The following KBTBD3 variants were observed in gnomAD, a reference collection of about 807,000 sequenced individuals.
KBTBD3 encodes the protein kelch repeat and BTB domain containing 3.
Under a neutral mutation model 49.6 loss-of-function variants are expected in KBTBD3, and 38 were observed. That is an observed-to-expected ratio of 0.77 (90% CI 0.59 to 1.00). The LOEUF is 1.00. KBTBD3 is among the 50% of genes least tolerant of loss of function. KBTBD3 has a pLI of 0.00. For missense variants in KBTBD3, 661 were observed against 712.0 expected, an observed-to-expected ratio of 0.93 and a Z score of 0.81; for synonymous variants, 214 against 250.4, an observed-to-expected ratio of 0.85 and a Z score of 1.37.
At chr11:106,061,030 C>T (rs1860682528) in intron 2 of KBTBD3, among the ~76,000 whole-genome samples, 1 of 152,178 alleles carries the variant, frequency 6.6e-6, no homozygotes, top group Non-Finnish European at 1.5e-5. Flanking sequence ...CAAAAGAAGA[C>T]AGTTATGTGG....
At chr11:106,055,561 A>T (rs1860534648) in intron 3 of KBTBD3, among the ~76,000 whole-genome samples, 1 of 152,190 alleles carries the variant, frequency 6.6e-6, no homozygotes, top group African/African-American at 2.4e-5. Flanking sequence ...AATTATATGG[A>T]TTATTAAGAC....
intron 3 of KBTBD3, among the ~76,000 whole-genome samples, chr11:106,058,268 C>G (rs1860599090): frequency 6.6e-6 from 1 of 151,648 alleles, no homozygotes; most frequent in African/African-American, 2.4e-5. Context: ...CTAGTCCCAG[C>G]TACTTGGGAG....
chr11:106,054,238 G>C lies in KBTBD3; in HGVS notation c.451C>G (p.Leu151Val), dbSNP rs752336855. 15 of 1,611,544 alleles carry C rather than the reference G, an allele frequency of 9.3e-6. No homozygotes were observed. Among genetic ancestry groups the C allele is most frequent in the Non-Finnish European group, 1.2e-5 (14 of 1,178,720 alleles). ...CSDFLIKSINLVNCLQLLSIS... is the reference protein window; with the variant it reads ...CSDFLIKSINVVNCLQLLSIS... ...GATAATAACTGTAAACAATTGACAAGATTAATACTTTTTATTAAAAAGTCA... is the reference window on the plus strand; with the variant it reads ...GATAATAACTGTAAACAATTGACAACATTAATACTTTTTATTAAAAAGTCA... The change falls in exon 4 of 4, where the codon CTT (leucine) becomes GTT (valine). Residue 151 changes from leucine to valine, a missense_variant. Transcript: ENST00000531837.
intron 2 of KBTBD3, among the ~76,000 whole-genome samples, chr11:106,073,196 C>A (rs1036234133): frequency 2.6e-5 from 4 of 151,402 alleles, no homozygotes; most frequent in African/African-American, 9.7e-5. Flanking sequence ...TGGGCTCAAG[C>A]AGTCCTCCCA....
chr11:106,064,739 T>C (rs1330278717), intron 2 of KBTBD3, among the ~76,000 whole-genome samples: 3 of 152,098 alleles, frequency 2.0e-5, no homozygotes, highest in Admixed American at 6.5e-5. Flanking sequence ...CTGGTCTCAT[T>C]CTCCAGTCTA....
At chr11:106,054,872 C>T (rs1488958299) in intron 3 of KBTBD3, among the ~76,000 whole-genome samples, 3 of 151,992 alleles carry the variant, frequency 2.0e-5, no homozygotes, top group Non-Finnish European at 4.4e-5. Context: ...TTAAAAGTGT[C>T]TTTCAAATTC....
chr11:106,054,480 A>G (rs1013761837), intron 3 of KBTBD3, 25 bp from the exon 4 acceptor site: 1 of 1,458,636 alleles, frequency 6.9e-7, no homozygotes, highest in African/African-American at 1.4e-5. Context: ...AACACAGAAA[A>G]ACAGCAAGAA....
At chr11:106,066,361 C>G (rs1490156511) in intron 2 of KBTBD3, among the ~76,000 whole-genome samples, 1 of 152,170 alleles carries the variant, frequency 6.6e-6, no homozygotes, top group Non-Finnish European at 1.5e-5. Flanking sequence ...TCATCCAACA[C>G]TCATAATAAT....
intron 2 of KBTBD3, among the ~76,000 whole-genome samples, chr11:106,065,615 A>T (rs1860793841): frequency 6.6e-6 from 1 of 152,150 alleles, no homozygotes; most frequent in Non-Finnish European, 1.5e-5. Context: ...AACGGATTAG[A>T]GTGGAGTTAA....
chr11:106,062,348 T>C (rs546456186), intron 2 of KBTBD3, among the ~76,000 whole-genome samples: 2 of 152,248 alleles, frequency 1.3e-5, no homozygotes, highest in Admixed American at 1.3e-4. Context: ...TGATTTATTA[T>C]AAGCTCATGT....
In KBTBD3 at chr11:106,052,762, T is replaced by C. The variant is rs543988499; in HGVS notation, c.*88A>G. On this transcript the variant is annotated 3_prime_UTR_variant, in exon 4 of 4. Transcript: ENST00000531837. ...AATAACTAAAAGCAGGAATGTTTTA[T>C]TTCATTAAGATGTATAGATCTTTTT... The C allele has an allele frequency of 3.4e-5, 35 of 1,031,990 alleles. No individual in the cohort carries two copies. The African/African-American group carries it at 4.8e-4, about 14-fold the overall frequency. The allele number at this position is 1,031,990 out of a possible 1,614,324, so 63.9% of individuals were successfully genotyped here.
Position 106,052,226 on chromosome 11 carries a change from C to T in KBTBD3, c.*624G>A, listed in dbSNP as rs888041157. ...AATTGAAACCAACTGACATTGAAAA[C>T]TAATCAGCAATTTTTAAAGCATTTA... On this transcript the variant is annotated 3_prime_UTR_variant, in exon 4 of 4. Coordinates refer to ENST00000531837, the MANE Select transcript of KBTBD3 (RefSeq NM_198439.3). 1 of 151,304 alleles carries T rather than the reference C, an allele frequency of 6.6e-6. No individual in the cohort carries two copies. The highest frequency in any genetic ancestry group is 6.6e-5 in the Admixed American group (1 of 15,162). The allele number at this position is 151,304 out of a possible 1,614,324, so 9.4% of individuals were successfully genotyped here. A position where few individuals can be genotyped will look rare whatever the true frequency, so the allele number is the denominator to read the frequency against.
At position 106,062,026 on chromosome 11, in the gene KBTBD3, C is replaced by G. The variant is rs191401975; in HGVS notation, c.-12-2917G>C. Among the ~76,000 whole-genome samples, 5 of 151,872 alleles carry G rather than the reference C, an allele frequency of 3.3e-5. 1 individual carries two copies. Among genetic ancestry groups the G allele is most frequent in the Non-Finnish European group, 7.4e-5 (5 of 67,972 alleles). The stretch of plus-strand genomic sequence containing the variant: ...GCCATTACACTGTGTGGAAAAATAG[C>G]GTGCCTGTGTGAATGTGTGTGTGGC... On this transcript the variant is annotated intron_variant, in intron 2 of 3. Transcript: ENST00000531837.
At chr11:106,072,760 G>A (rs1419915378) in intron 2 of KBTBD3, among the ~76,000 whole-genome samples, 4 of 152,098 alleles carry the variant, frequency 2.6e-5, no homozygotes, top group African/African-American at 4.8e-5. Context: ...TTTCGTCACT[G>A]ATGTTTCAAT....
chr11:106,057,683 C>T lies in KBTBD3; in HGVS notation c.233+1182G>A, dbSNP rs145574682. On this transcript the variant is annotated intron_variant, in intron 3 of 3. Transcript: ENST00000531837. Reference sequence around the variant, plus strand: ...TCTACATGGGAAACCAAATTATATTCAGAAGGTTGCTTAGAATTAGAACAA... The same window carrying T: ...TCTACATGGGAAACCAAATTATATTTAGAAGGTTGCTTAGAATTAGAACAA... 3.1e-3 allele frequency: 566 copies of T among 181,578 alleles called. 6 individuals carry two copies. Among genetic ancestry groups the T allele is most frequent in the African/African-American group, 0.012 (510 of 42,738 alleles). 11.2% of individuals were successfully genotyped at this position (181,578 alleles called of 1,614,324 possible).
rs774755830 is a variant in KBTBD3 at position 106,053,916 on chromosome 11, T to C, written c.773A>G (p.Glu258Gly). Residue 258 changes from glutamate (E) to glycine (G), a missense_variant, in exon 4 of 4, where the codon GAA (glutamate) becomes GGA (glycine). Glu to Gly is a moderately conservative substitution (Grantham distance 98). Transcript: ENST00000531837. ...GTTTGTGCTTTTGAGTAAACTCTCT[T>C]CATTGAACAGACAGTCCTGAAGTGT... ...EETLQDCLFN[E>G]ESLLKSTNCF... 4 of 1,613,996 alleles carry C rather than the reference T, an allele frequency of 2.5e-6. No homozygotes were observed. Among genetic ancestry groups the C allele is most frequent in the Non-Finnish European group, 3.4e-6 (4 of 1,179,910 alleles).
At chr11:106,058,517 G>A (rs1860607474) in intron 3 of KBTBD3, among the ~76,000 whole-genome samples, 1 of 151,946 alleles carries the variant, frequency 6.6e-6, no homozygotes, top group South Asian at 2.1e-4. Context: ...TCAGCCTCCT[G>A]GGTTCAAGCG....
At position 106,053,559 on chromosome 11, in the gene KBTBD3, C is replaced by T. The variant is rs1384170878; in HGVS notation, c.1130G>A (p.Cys377Tyr). 6.2e-7 allele frequency: 1 copy of T among 1,613,776 alleles called. No individual in the cohort carries two copies. Among genetic ancestry groups the T allele is most frequent in the South Asian group, 1.1e-5 (1 of 91,066 alleles). The change falls in exon 4 of 4, where the codon TGT (cysteine) becomes TAT (tyrosine). Residue 377 changes from cysteine to tyrosine, a missense_variant. Coordinates refer to ENST00000531837, the MANE Select transcript of KBTBD3 (RefSeq NM_198439.3). ...HDATDQTWCY[C>Y]PVKNDFFLVS... ...CAAGAAGAAATCATTTTTCACTGGACAGTAGCACCAGGTTTGATCAGTGGC... is the reference window on the plus strand; with the variant it reads ...CAAGAAGAAATCATTTTTCACTGGATAGTAGCACCAGGTTTGATCAGTGGC...
intron 2 of KBTBD3, among the ~76,000 whole-genome samples, chr11:106,063,808 G>A (rs1465115935): frequency 6.6e-6 from 1 of 152,116 alleles, no homozygotes; most frequent in African/African-American, 2.4e-5. Flanking sequence ...GCGCATGCCT[G>A]TAGTCCCAGC....
Sources: gnomAD v4.1 joint callset for allele counts (sites outside exome capture counted in the v4.1 genomes callset) on GRCh38, gnomAD v4.1.1 for gene constraint, MANE v1.5 for transcripts, NCBI Gene and HGNC (gene_info 2026-07-23, HGNC 2026-07-21) for gene names.